JAM3: variants seen among roughly 807,000 people sequenced by gnomAD.
JAM3 encodes junctional adhesion molecule C.
In JAM3, 31 loss-of-function variants were observed where a neutral mutation model predicts 39.4. The ratio of observed to expected loss-of-function variants is 0.79; its 90% CI spans 0.59 to 1.06. JAM3 has a LOEUF of 1.06. Ranked by LOEUF, JAM3 falls within the 50% of genes least tolerant of loss-of-function variation. The pLI, the probability that JAM3 is intolerant of heterozygous loss-of-function variation, is 0.00. For missense variants in JAM3, 455 were observed against 391.4 expected (o/e 1.16, Z -1.37); for synonymous variants, 182 against 148.7 (o/e 1.22, Z -1.63).
chr11:134,082,399 G>T (rs1261762794), intron 1 of JAM3, among the ~76,000 whole-genome samples: 1 of 152,162 alleles, frequency 6.6e-6, no homozygotes, highest in Non-Finnish European at 1.5e-5. Flanking sequence ...GGGGTGGAAT[G>T]ATATGGTTTG....
intron 8 of JAM3, 131 bp from the exon 9 acceptor site, chr11:134,149,015 C>G: frequency 8.9e-7 from 1 of 1,129,470 alleles, no homozygotes; most frequent in Non-Finnish European, 1.3e-6. Flanking sequence ...TTGTGCTTTG[C>G]AAGCGCTAGT....
At chr11:134,096,603 C>A (rs1477935438) in intron 1 of JAM3, among the ~76,000 whole-genome samples, 2 of 152,162 alleles carry the variant, frequency 1.3e-5, no homozygotes, top group African/African-American at 4.8e-5. Flanking sequence ...GCTCTTCACC[C>A]AAGGAAAGGC....
At chr11:134,124,006 C>A (rs2120785031) in intron 1 of JAM3, 1 of 1,501,564 alleles carries the variant, frequency 6.7e-7, no homozygotes, top group Non-Finnish European at 9.3e-7. Context: ...AGCACAGGTG[C>A]CCTTCCCAAT....
At chr11:134,117,883 G>GTA (rs1565494930) in intron 1 of JAM3, among the ~76,000 whole-genome samples, 3 of 152,210 alleles carry the variant, frequency 2.0e-5, no homozygotes, top group African/African-American at 4.8e-5. Context: ...CCTCCGAAGG[G>GTA]TACTGTGAGC....
intron 1 of JAM3, among the ~76,000 whole-genome samples, chr11:134,138,503 T>C (rs919369355): frequency 1.3e-5 from 2 of 152,174 alleles, no homozygotes; most frequent in Non-Finnish European, 2.9e-5. Flanking sequence ...GAGAGAAATG[T>C]TTGTGGCCAC....
At chr11:134,089,317 T>C (rs1941800468) in intron 1 of JAM3, among the ~76,000 whole-genome samples, 1 of 151,928 alleles carries the variant, frequency 6.6e-6, no homozygotes, top group Non-Finnish European at 1.5e-5. Flanking sequence ...TTCTTTTTCT[T>C]TTTTTTATTA....
intron 1 of JAM3, among the ~76,000 whole-genome samples, chr11:134,098,115 A>T (rs146856129): frequency 1.3e-5 from 2 of 152,248 alleles, no homozygotes; most frequent in Non-Finnish European, 2.9e-5. Context: ...TTGAGTGTAT[A>T]CCCAGGGCAT....
chr11:134,144,789 C>T lies in JAM3; in HGVS notation c.410-3C>T, dbSNP rs781346869. 5.0e-6 allele frequency: 8 copies of T among 1,613,468 alleles called. No individual in the cohort carries two copies. The highest frequency in any genetic ancestry group is 2.7e-5 in the African/African-American group (2 of 74,968). The stretch of plus-strand genomic sequence containing the variant: ...CTTAAACACCACCCCTTTTTCCCCA[C>T]AGTGAAGCCAGTGACCCCTGTCTGT... On this transcript the variant is annotated splice_region_variant and splice_polypyrimidine_tract_variant and intron_variant, in intron 4 of 8. Transcript: ENST00000299106.
intron 1 of JAM3, among the ~76,000 whole-genome samples, chr11:134,129,664 T>C (rs375020510): frequency 6.6e-6 from 1 of 152,242 alleles, no homozygotes; most frequent in South Asian, 2.1e-4. Flanking sequence ...TTTTAAATAA[T>C]ATTTTACATT....
At chr11:134,121,298 G>T (rs1428162026) in intron 1 of JAM3, among the ~76,000 whole-genome samples, 1 of 152,228 alleles carries the variant, frequency 6.6e-6, no homozygotes, top group Non-Finnish European at 1.5e-5. Flanking sequence ...AACTGCAGTT[G>T]TTGTCCACAG....
intron 1 of JAM3, among the ~76,000 whole-genome samples, chr11:134,131,051 A>G (rs1487184933): frequency 3.9e-5 from 6 of 152,136 alleles, no homozygotes; most frequent in Non-Finnish European, 8.8e-5. Flanking sequence ...CACATGTATG[A>G]AGGAAAATAG....
At chr11:134,071,780 T>G (rs1469890819) in intron 1 of JAM3, among the ~76,000 whole-genome samples, 1 of 152,226 alleles carries the variant, frequency 6.6e-6, no homozygotes, top group Non-Finnish European at 1.5e-5. Context: ...TTTTATGTTC[T>G]AATTCTTAAT....
intron 1 of JAM3, among the ~76,000 whole-genome samples, chr11:134,096,587 T>C (rs1356867256): frequency 6.6e-6 from 1 of 152,182 alleles, no homozygotes; most frequent in Admixed American, 6.5e-5. Context: ...GGGACTCTAA[T>C]CACCTGCTCT....
At chr11:134,146,159 T>C in intron 6 of JAM3, 114 bp downstream of exon 6, 1 of 789,842 alleles carries the variant, frequency 1.3e-6, no homozygotes, top group South Asian at 1.5e-5. Context: ...TTAGCTTTCT[T>C]CTGGAGCTGC....
chr11:134,129,130 T>TC lies in JAM3; in HGVS notation c.77-10721_77-10720insC, dbSNP rs899452698. 5.3e-5 allele frequency among the ~76,000 whole-genome samples: 8 copies of TC among 151,854 alleles called. No homozygotes were observed. The East Asian group carries it at 1.4e-3, about 26-fold the overall frequency. ...TGGTATCTCTTCAAGTTCTTTTTTT[T>TC]TTTTTTTTTGACAGAGTCTCGCTCT... is the stretch of plus-strand genomic sequence containing the variant. On this transcript the variant is annotated intron_variant, in intron 1 of 8. Transcript: ENST00000299106.
At chr11:134,140,024 T>A in intron 2 of JAM3, 108 bp downstream of exon 2, 1 of 906,652 alleles carries the variant, frequency 1.1e-6, no homozygotes, top group South Asian at 1.4e-5. Flanking sequence ...CAGGGAGATG[T>A]TCCGGGTGGA....
At chr11:134,135,722 G>T (rs1942852855) in intron 1 of JAM3, among the ~76,000 whole-genome samples, 1 of 151,794 alleles carries the variant, frequency 6.6e-6, no homozygotes, top group Admixed American at 6.6e-5. Context: ...TCTTATTCAT[G>T]TATTAGCCCT....
rs534157248 is a variant in JAM3 at position 134,124,439 on chromosome 11, C to T, written c.77-15412C>T. On this transcript the variant is annotated intron_variant, in intron 1 of 8. Coordinates refer to ENST00000299106, the MANE Select transcript of JAM3 (RefSeq NM_032801.5). ...AACATTAAAAAGACCACTAAAATGC[C>T]TATTATCAATCAGTGTTTTCTCTAT... 7.5e-6 allele frequency: 4 copies of T among 533,642 alleles called. No individual in the cohort carries two copies. In the East Asian group the frequency reaches 1.3e-4, roughly 17 times the overall value. 33.1% of individuals were successfully genotyped at this position (533,642 alleles called of 1,614,324 possible). A position where few individuals can be genotyped will look rare whatever the true frequency, so the allele number is the denominator to read the frequency against.
chr11:134,098,455 C>G (rs1942021863), intron 1 of JAM3, among the ~76,000 whole-genome samples: 1 of 152,060 alleles, frequency 6.6e-6, no homozygotes, highest in African/African-American at 2.4e-5. Context: ...TAGTTTTAAT[C>G]AATTGTGAAG....
Sources: gnomAD v4.1 joint callset for allele counts (sites outside exome capture counted in the v4.1 genomes callset) on GRCh38, gnomAD v4.1.1 for gene constraint, MANE v1.5 for transcripts, NCBI Gene and HGNC (gene_info 2026-07-23, HGNC 2026-07-21) for gene names.